Variants in TAFA5 observed in about 807,000 individuals in gnomAD.
TAFA5 encodes TAFA chemokine like family member 5, also known as chemokine-like protein TAFA-5.
Under a neutral mutation model 15.3 loss-of-function variants are expected in TAFA5, and 6 were observed. That is an observed-to-expected ratio of 0.39 (90% CI 0.21 to 0.77). The LOEUF (loss-of-function observed/expected upper bound fraction) is 0.77. Among genes scored for constraint, TAFA5 ranks in the 30% least tolerant of loss-of-function variants. TAFA5 has a pLI of 0.41. For synonymous variants in TAFA5, 103 were observed against 80.7 expected (o/e 1.28, Z -1.48); for missense variants, 161 against 193.1 (o/e 0.83, Z 0.98).
intron 1 of TAFA5, among the ~76,000 whole-genome samples, chr22:48,537,799 C>T (rs1922221992): frequency 6.6e-6 from 1 of 152,234 alleles, no homozygotes; most frequent in Non-Finnish European, 1.5e-5. Flanking sequence ...CAGGCTCCTG[C>T]CGGAGTGAAG....
chr22:48,557,062 C>T (rs114489225), intron 1 of TAFA5, among the ~76,000 whole-genome samples: 4,158 of 152,214 alleles, frequency 0.027, 183 homozygotes, highest in African/African-American at 0.092. Flanking sequence ...CCGCAGGGAG[C>T]GGGGAGTGCG....
intron 1 of TAFA5, among the ~76,000 whole-genome samples, chr22:48,608,836 G>A (rs969877524): frequency 5.3e-5 from 8 of 152,230 alleles, no homozygotes; most frequent in African/African-American, 1.7e-4. Context: ...CCGACGCTCG[G>A]GAGCTCTGTG....
At chr22:48,661,017 C>G (rs1319230103) in intron 2 of TAFA5, among the ~76,000 whole-genome samples, 1 of 152,184 alleles carries the variant, frequency 6.6e-6, no homozygotes, top group Non-Finnish European at 1.5e-5. Flanking sequence ...CTCATTCATT[C>G]CAGCTCCACT....
At chr22:48,594,988 C>T (rs1327515234) in intron 1 of TAFA5, among the ~76,000 whole-genome samples, 1 of 152,062 alleles carries the variant, frequency 6.6e-6, no homozygotes, top group Non-Finnish European at 1.5e-5. Flanking sequence ...TGCAGATCAG[C>T]TCTCCCTGTC....
intron 3 of TAFA5, among the ~76,000 whole-genome samples, chr22:48,739,381 C>T (rs181904405): frequency 6.8e-4 from 104 of 152,264 alleles, no homozygotes; most frequent in African/African-American, 2.4e-3. Context: ...CAAAGCTAAG[C>T]GAAAGAATAC....
chr22:48,528,921 G>A (rs1000200759), intron 1 of TAFA5, among the ~76,000 whole-genome samples: 1 of 152,184 alleles, frequency 6.6e-6, no homozygotes, highest in Admixed American at 6.5e-5. Context: ...GGGAGGGGTA[G>A]CAGGGAGACA....
chr22:48,693,206 CCTCA>C (rs1928597950), intron 2 of TAFA5: 2 of 1,285,656 alleles, frequency 1.6e-6, no homozygotes, highest in Non-Finnish European at 2.2e-6. Context: ...AGTGACGGGG[CCTCA>C]CTCGTCCTCA....
In TAFA5 at chr22:48,530,939, C is replaced by T. The variant is rs1306482346; in HGVS notation, c.112+41235C>T. On this transcript the variant is annotated intron_variant, in intron 1 of 3. Transcript: ENST00000402357. The surrounding 1 kb of genome is among the most constrained non-coding windows in gnomAD (Gnocchi z 6.0). ...AGACTGAGCTTCCACTGTACAGGGA[C>T]CCCCTGTGCAAAGTGGTGCCCCTGC... Among the ~76,000 whole-genome samples, 2 of 152,180 alleles carry T rather than the reference C, an allele frequency of 1.3e-5. No individual in the cohort carries two copies. Among genetic ancestry groups the T allele is most frequent in the Non-Finnish European group, 2.9e-5 (2 of 68,034 alleles).
chr22:48,557,875 A>G (rs1923094731), intron 1 of TAFA5, among the ~76,000 whole-genome samples: 1 of 152,226 alleles, frequency 6.6e-6, no homozygotes, highest in Non-Finnish European at 1.5e-5. Context: ...AATGGGTCCC[A>G]GGACCCCTGT....
chr22:48,709,463 G>T (rs1569089131), intron 3 of TAFA5, among the ~76,000 whole-genome samples: 1 of 152,122 alleles, frequency 6.6e-6, no homozygotes. Flanking sequence ...CAAACAGCAG[G>T]TGCATTCCAT....
chr22:48,711,076 C>T (rs1281664214), intron 3 of TAFA5, among the ~76,000 whole-genome samples: 1 of 152,180 alleles, frequency 6.6e-6, no homozygotes, highest in African/African-American at 2.4e-5. Flanking sequence ...CAAGCCTCTG[C>T]TGGTGGAGGC....
chr22:48,648,651 C>CA (rs1926949285), intron 2 of TAFA5, among the ~76,000 whole-genome samples: 1 of 152,122 alleles, frequency 6.6e-6, no homozygotes, highest in South Asian at 2.1e-4. Flanking sequence ...CCAGCCTGGT[C>CA]AAGATGGTGA....
intron 1 of TAFA5, among the ~76,000 whole-genome samples, chr22:48,514,763 A>C (rs923971414): frequency 1.1e-4 from 17 of 152,352 alleles, no homozygotes; most frequent in African/African-American, 3.6e-4. Flanking sequence ...AAAAGGGAAA[A>C]TCCACTGGTC....
chr22:48,747,821 G>A (rs1272555923), intron 3 of TAFA5, among the ~76,000 whole-genome samples: 2 of 151,586 alleles, frequency 1.3e-5, no homozygotes, highest in African/African-American at 4.9e-5. Context: ...CACTTGAACG[G>A]GGGAGGCAGA....
At chr22:48,557,222 G>C (rs1457900286) in intron 1 of TAFA5, among the ~76,000 whole-genome samples, 1 of 152,312 alleles carries the variant, frequency 6.6e-6, no homozygotes, top group Admixed American at 6.5e-5. Context: ...TTAAAGAGGT[G>C]ATTAAGGTTA....
chr22:48,681,651 C>CA (rs11327855), intron 2 of TAFA5, among the ~76,000 whole-genome samples: 9,168 of 120,594 alleles, frequency 0.076, 423 homozygotes, highest in Non-Finnish European at 0.11. Context: ...ACTCCATCTC[C>CA]AAAAAAAAAA....
intron 1 of TAFA5, among the ~76,000 whole-genome samples, chr22:48,512,226 G>A (rs900988006): frequency 6.6e-6 from 1 of 152,206 alleles, no homozygotes; most frequent in Non-Finnish European, 1.5e-5. Flanking sequence ...CAGTGGGGCT[G>A]GCCCCTTCGC....
At chr22:48,645,310 G>C (rs1443213734) in intron 1 of TAFA5, among the ~76,000 whole-genome samples, 4 of 152,114 alleles carry the variant, frequency 2.6e-5, no homozygotes, top group Non-Finnish European at 5.9e-5. Context: ...TTAATATTTG[G>C]CTGTGATTGG....
chr22:48,530,055 C>G lies in TAFA5; in HGVS notation c.112+40351C>G, dbSNP rs1023602574. The stretch of plus-strand genomic sequence containing the variant: ...AGCTTGTGGCTGCAGAGGCCGTGGG[C>G]CCTCTGCTTTGTGGGGCTGGGCTGA... On this transcript the variant is annotated intron_variant, in intron 1 of 3. Transcript: ENST00000402357. The surrounding 1 kb of genome is among the most constrained non-coding windows in gnomAD (Gnocchi z 6.0). Among the ~76,000 whole-genome samples the G allele has an allele frequency of 2.6e-5, 4 of 152,118 alleles. No individual in the cohort carries two copies. Among genetic ancestry groups the G allele is most frequent in the Non-Finnish European group, 5.9e-5 (4 of 68,008 alleles).
Sources: gnomAD v4.1 joint callset for allele counts (sites outside exome capture counted in the v4.1 genomes callset) on GRCh38, gnomAD v4.1.1 for gene constraint, Gnocchi (gnomAD v3.1) non-coding constraint, MANE v1.5 for transcripts, NCBI Gene and HGNC (gene_info 2026-07-23, HGNC 2026-07-21) for gene names.